NECTIN3: variants seen among roughly 807,000 people sequenced by gnomAD.
NECTIN3 encodes the protein nectin-3.
NECTIN3 carries 8 observed loss-of-function variants against 49.4 expected under a neutral mutation model. The ratio of observed to expected loss-of-function variants is 0.16; its 90% CI spans 0.10 to 0.29. The LOEUF (loss-of-function observed/expected upper bound fraction) is 0.29. Ranked by LOEUF, NECTIN3 falls within the 10% of genes least tolerant of loss-of-function variation. The pLI is 1.00. For synonymous variants in NECTIN3, 277 were observed against 241.1 expected, an observed-to-expected ratio of 1.15 and a Z score of -1.38; for missense variants, 581 against 654.6, an observed-to-expected ratio of 0.89 and a Z score of 1.23.
rs2033444734 is a variant in NECTIN3, at chr3:111,111,186, C to G, written c.161-844C>G. On this transcript the variant is annotated intron_variant, in intron 1 of 5. Coordinates refer to ENST00000485303, the MANE Select transcript of NECTIN3 (RefSeq NM_015480.3). ...TGATATACTTGTCAATGAGCAGCAT[C>G]GTGCTTGACTATAGTAGTCATGAAT... 2.6e-5 allele frequency among the ~76,000 whole-genome samples: 4 copies of G among 152,096 alleles called. No homozygotes were observed. In the South Asian group the frequency reaches 8.3e-4, roughly 32 times the overall value.
chr3:111,118,976 T>C, intron 3 of NECTIN3, 24 bp downstream of exon 3: 20 of 1,528,030 alleles, frequency 1.3e-5, no homozygotes, highest in Non-Finnish European at 1.5e-5. Context: ...AACATTTACT[T>C]TTTAAATATT....
At chr3:111,102,593 C>T (rs1238347565) in intron 1 of NECTIN3, among the ~76,000 whole-genome samples, 1 of 152,176 alleles carries the variant, frequency 6.6e-6, no homozygotes, top group Admixed American at 6.5e-5. Context: ...TTAAGCATGG[C>T]TTGTCTTTTT....
intron 7 of NECTIN3, among the ~76,000 whole-genome samples, chr3:111,163,956 G>A (rs1389018049): frequency 1.4e-5 from 2 of 142,536 alleles, no homozygotes; most frequent in Non-Finnish European, 3.0e-5. Context: ...TAACAGCTGG[G>A]AATACTGTCA....
At chr3:111,108,960 A>C (rs2033335041) in intron 1 of NECTIN3, among the ~76,000 whole-genome samples, 1 of 152,152 alleles carries the variant, frequency 6.6e-6, no homozygotes, top group Admixed American at 6.6e-5. Flanking sequence ...CTGCTATAAC[A>C]AAATACTGTA....
chr3:111,110,484 T>C (rs1455973843), intron 1 of NECTIN3, among the ~76,000 whole-genome samples: 1 of 152,074 alleles, frequency 6.6e-6, no homozygotes, highest in Non-Finnish European at 1.5e-5. Flanking sequence ...ATAGTCCTAC[T>C]TGGCTGTGTA....
chr3:111,124,965 C>G (rs1253229818), intron 4 of NECTIN3, among the ~76,000 whole-genome samples: 1 of 151,278 alleles, frequency 6.6e-6, no homozygotes, highest in African/African-American at 2.4e-5. Flanking sequence ...TCTACTTAGC[C>G]TAAACTGTAG....
upstream of NECTIN3, among the ~76,000 whole-genome samples, chr3:111,192,176 G>C (rs1423994239): frequency 2.0e-5 from 3 of 152,184 alleles, no homozygotes; most frequent in Non-Finnish European, 4.4e-5. Context: ...GAGAGAGTGA[G>C]TGAAACTCTT....
At position 111,071,891 on chromosome 3, in the gene NECTIN3, C is replaced by G. The variant is rs955714509; in HGVS notation, c.-127C>G. On this transcript the variant is annotated 5_prime_UTR_variant, in exon 1 of 6. Transcript: ENST00000485303. ...TCGGCCAAGTGTCAGCCGGCAGCGACGGCGCTAGAGCTGGGAGCTGGGGAC... is the reference window on the plus strand; with the variant it reads ...TCGGCCAAGTGTCAGCCGGCAGCGAGGGCGCTAGAGCTGGGAGCTGGGGAC... 2.6e-5 allele frequency: 14 copies of G among 548,574 alleles called. No homozygotes were observed. The highest frequency in any genetic ancestry group is 4.5e-5 in the Admixed American group (1 of 22,098). 34.0% of individuals were successfully genotyped at this position (548,574 alleles called of 1,614,324 possible).
At position 111,133,672 on chromosome 3, in the gene NECTIN3, GTGGCATC is replaced by G; in HGVS notation, c.1108_1114del (p.Trp370ProfsTer9). 6.2e-7 allele frequency: 1 copy of G among 1,613,712 alleles called. No individual in the cohort carries two copies. The highest frequency in any genetic ancestry group is 1.1e-5 in the South Asian group (1 of 91,078). ...CTACCACCCTTCAGCCTACAATTCAGTGGCATCCCTCAACTGCTGACATCGAGGATCT... is the reference window on the plus strand; with the variant it reads ...CTACCACCCTTCAGCCTACAATTCAGCCTCAACTGCTGACATCGAGGATCT... On this transcript the variant is annotated frameshift_variant, in exon 6 of 6. Coordinates refer to ENST00000485303, the MANE Select transcript of NECTIN3 (RefSeq NM_015480.3). LOFTEE classifies it high-confidence loss of function.
At chr3:111,085,557 C>T (rs1424668565) in intron 1 of NECTIN3, among the ~76,000 whole-genome samples, 1 of 152,208 alleles carries the variant, frequency 6.6e-6, no homozygotes, top group Non-Finnish European at 1.5e-5. Flanking sequence ...AAGTCCTTCT[C>T]TCATACTCCT....
intron 5 of NECTIN3, among the ~76,000 whole-genome samples, chr3:111,144,237 A>T (rs547118991): frequency 6.6e-6 from 1 of 152,144 alleles, no homozygotes; most frequent in Admixed American, 6.5e-5. Context: ...AGAAGTTGGT[A>T]TTCAGAAATG....
intron 6 of NECTIN3, among the ~76,000 whole-genome samples, chr3:111,146,433 CAAAAAA>C (rs530786189): frequency 3.4e-5 from 2 of 58,294 alleles, no homozygotes; most frequent in African/African-American, 1.2e-4. Flanking sequence ...GACTCCGTCT[CAAAAAA>C]AAAAAAAAAA....
At chr3:111,122,596 A>G (rs1285335378) in intron 4 of NECTIN3, among the ~76,000 whole-genome samples, 1 of 152,156 alleles carries the variant, frequency 6.6e-6, no homozygotes, top group African/African-American at 2.4e-5. Context: ...CCTACCTTTC[A>G]TAGTCCAAAC....
chr3:111,079,378 T>G (rs548368040), intron 1 of NECTIN3, among the ~76,000 whole-genome samples: 1 of 152,088 alleles, frequency 6.6e-6, no homozygotes, highest in South Asian at 2.1e-4. Context: ...ATATTTGTAG[T>G]TAATAGTAAA....
intron 6 of NECTIN3, chr3:111,145,042 G>T (rs1485728035): frequency 1.3e-6 from 2 of 1,535,740 alleles, no homozygotes; most frequent in Non-Finnish European, 1.7e-6. Context: ...CAAAGTGTAG[G>T]TAACTTTTTT....
At chr3:111,186,771 T>A (rs992526146) in intron 7 of NECTIN3, among the ~76,000 whole-genome samples, 2 of 152,162 alleles carry the variant, frequency 1.3e-5, no homozygotes, top group African/African-American at 4.8e-5. Flanking sequence ...GGAGAGTGAA[T>A]ATGGATTATA....
chr3:111,092,646 A>G (rs2032337214), intron 1 of NECTIN3, among the ~76,000 whole-genome samples: 1 of 151,986 alleles, frequency 6.6e-6, no homozygotes, highest in African/African-American at 2.4e-5. Context: ...CTGTTGATTC[A>G]TATGTCTTCT....
intron 7 of NECTIN3, among the ~76,000 whole-genome samples, chr3:111,169,991 C>T (rs1011781361): frequency 1.3e-5 from 2 of 152,194 alleles, no homozygotes; most frequent in Admixed American, 1.3e-4. Context: ...AAGTGATATA[C>T]TGGCCAGTTG....
intron 4 of NECTIN3, among the ~76,000 whole-genome samples, chr3:111,122,816 T>C (rs1243143946): frequency 2.0e-5 from 3 of 152,136 alleles, no homozygotes; most frequent in Non-Finnish European, 4.4e-5. Flanking sequence ...CAAACTGTTA[T>C]ACCAAGGTTT....
Sources: allele counts gnomAD v4.1 joint callset (sites outside exome capture counted in the v4.1 genomes callset), GRCh38; gene constraint gnomAD v4.1.1; transcripts MANE v1.5; gene names NCBI Gene and HGNC (gene_info 2026-07-23, HGNC 2026-07-21).